The following CA10 variants were observed in gnomAD, a reference collection of about 807,000 sequenced individuals.
CA10 encodes carbonic anhydrase 10 (inactive).
In CA10, 14 loss-of-function variants were observed where a neutral mutation model predicts 44.2. The observed-to-expected ratio is 0.32, with a 90% CI of 0.21 to 0.50. The LOEUF is 0.50. CA10 is among the 20% of genes least tolerant of loss of function. The pLI is 0.99. For missense variants in CA10, 350 were observed against 409.7 expected (o/e 0.85, Z 1.26); for synonymous variants, 159 against 141.6 (o/e 1.12, Z -0.87).
At chr17:51,635,092 T>A (rs1337572461) in intron 7 of CA10, among the ~76,000 whole-genome samples, 2 of 152,156 alleles carry the variant, frequency 1.3e-5, no homozygotes, top group Non-Finnish European at 2.9e-5. Context: ...TTGGAAATAG[T>A]CATTGCAGAT....
At chr17:52,072,859 C>T (rs191139339) in intron 1 of CA10, among the ~76,000 whole-genome samples, 1 of 152,070 alleles carries the variant, frequency 6.6e-6, no homozygotes, top group African/African-American at 2.4e-5. Context: ...ACCCAGCCAG[C>T]TTTCCTTAGG....
At position 52,077,345 on chromosome 17, in the gene CA10, G is replaced by A. The variant is rs1043287513; in HGVS notation, c.62-4952C>T. Among the ~76,000 whole-genome samples the A allele has an allele frequency of 6.6e-5, 10 of 152,190 alleles. No homozygotes were observed. The East Asian group carries it at 1.9e-3, about 29-fold the overall frequency. On this transcript the variant is annotated intron_variant, in intron 1 of 8. Transcript: ENST00000451037. ...AGGGAACCTCACTTGTAAGAGGTTG[G>A]GGTCTTAAAACAGAGGTCAGCAAAT...
At chr17:51,882,212 T>C (rs569727508) in intron 3 of CA10, among the ~76,000 whole-genome samples, 1 of 151,678 alleles carries the variant, frequency 6.6e-6, no homozygotes, top group Admixed American at 6.5e-5. Context: ...TATGTGTTTA[T>C]AAAAATATTT....
intron 1 of CA10, among the ~76,000 whole-genome samples, chr17:52,146,086 T>C (rs954050679): frequency 3.9e-5 from 6 of 152,190 alleles, no homozygotes; most frequent in African/African-American, 1.4e-4. Flanking sequence ...ACTAGCTAAT[T>C]GTTCGCAAAC....
chr17:51,771,539 C>T (rs1275414612), intron 3 of CA10, among the ~76,000 whole-genome samples: 1 of 152,186 alleles, frequency 6.6e-6, no homozygotes, highest in African/African-American at 2.4e-5. Context: ...TATGTTGGGT[C>T]TGGAGACTCC....
intron 3 of CA10, among the ~76,000 whole-genome samples, chr17:51,870,499 T>C (rs1333973991): frequency 2.0e-5 from 3 of 152,228 alleles, no homozygotes; most frequent in Non-Finnish European, 4.4e-5. Flanking sequence ...ATGGATGTGA[T>C]GTTGTTGAGA....
chr17:52,128,751 T>C (rs547565407), intron 1 of CA10, among the ~76,000 whole-genome samples: 12 of 152,342 alleles, frequency 7.9e-5, no homozygotes, highest in Admixed American at 3.3e-4. Context: ...CCCAGACCTC[T>C]TCTTCTAGCA....
intron 3 of CA10, among the ~76,000 whole-genome samples, chr17:51,906,493 G>A (rs970643706): frequency 6.6e-6 from 1 of 151,996 alleles, no homozygotes; most frequent in East Asian, 1.9e-4. Flanking sequence ...TAAACGTCAG[G>A]ATACCATAGC....
At chr17:51,845,540 CTGAGCAT>C (rs1413083971) in intron 3 of CA10, among the ~76,000 whole-genome samples, 1 of 152,240 alleles carries the variant, frequency 6.6e-6, no homozygotes, top group African/African-American at 2.4e-5. Context: ...TTTTAAACCA[CTGAGCAT>C]TGACGTAATT....
At chr17:51,913,220 G>A (rs1402646711) in intron 3 of CA10, among the ~76,000 whole-genome samples, 3 of 152,166 alleles carry the variant, frequency 2.0e-5, no homozygotes, top group African/African-American at 7.2e-5. Context: ...AAGGTTTCAG[G>A]ACACTCTCAG....
At chr17:51,776,856 C>T (rs1336309508) in intron 3 of CA10, among the ~76,000 whole-genome samples, 3 of 152,252 alleles carry the variant, frequency 2.0e-5, no homozygotes, top group East Asian at 1.9e-4. Context: ...ATCTGTGTAG[C>T]GGGGCGTGGG....
At chr17:52,113,040 CT>C (rs2143290500) in intron 1 of CA10, among the ~76,000 whole-genome samples, 1 of 152,310 alleles carries the variant, frequency 6.6e-6, no homozygotes, top group African/African-American at 2.4e-5. Context: ...AATGGCCAGC[CT>C]AACAACCCTG....
chr17:51,667,930 T>C (rs1787783976), intron 4 of CA10, among the ~76,000 whole-genome samples: 1 of 152,164 alleles, frequency 6.6e-6, no homozygotes. Flanking sequence ...TCCAAGTGTA[T>C]CTGTGTGTAT....
intron 4 of CA10, among the ~76,000 whole-genome samples, chr17:51,681,307 A>T (rs75733004): frequency 0.072 from 11,021 of 152,264 alleles, 1,356 homozygotes; most frequent in African/African-American, 0.25. Flanking sequence ...ATGAGTTTCC[A>T]TCTCTCTTTG....
At chr17:51,646,656 T>C (rs1913351512) in intron 6 of CA10, among the ~76,000 whole-genome samples, 1 of 152,178 alleles carries the variant, frequency 6.6e-6, no homozygotes, top group Non-Finnish European at 1.5e-5. Context: ...CAGTCTTATG[T>C]TTCCCACCCA....
intron 1 of CA10, among the ~76,000 whole-genome samples, chr17:52,108,525 C>T (rs996864889): frequency 1.3e-5 from 2 of 151,238 alleles, no homozygotes; most frequent in South Asian, 2.1e-4. Context: ...GCTGAAACCC[C>T]GTCTCTACTA....
intron 5 of CA10, among the ~76,000 whole-genome samples, chr17:51,651,059 TCTCCTTTTAGAGAGTAA>T (rs1913543869): frequency 6.6e-6 from 1 of 152,178 alleles, no homozygotes; most frequent in African/African-American, 2.4e-5. Flanking sequence ...TAAGCAAGTA[TCTCCTTTTAGAGAGTAA>T]CTCCAGCTTT....
chr17:51,874,402 A>AC (rs1275444526), intron 3 of CA10, among the ~76,000 whole-genome samples: 6 of 150,524 alleles, frequency 4.0e-5, no homozygotes, highest in Admixed American at 3.3e-4. Flanking sequence ...AAAAAAAAAA[A>AC]AAAACAAAAA....
chr17:51,666,326 G>A (rs774174550), intron 4 of CA10, among the ~76,000 whole-genome samples: 25 of 152,216 alleles, frequency 1.6e-4, no homozygotes, highest in Non-Finnish European at 2.9e-4. Context: ...GGTAAGGACA[G>A]ACCACATTCA....
Sources: gnomAD v4.1 joint callset for allele counts (sites outside exome capture counted in the v4.1 genomes callset) on GRCh38, gnomAD v4.1.1 for gene constraint, MANE v1.5 for transcripts, NCBI Gene and HGNC (gene_info 2026-07-23, HGNC 2026-07-21) for gene names.